Variants in SCFD2 observed in about 807,000 individuals in gnomAD.
SCFD2 encodes the protein sec1 family domain-containing protein 2.
A neutral mutation model predicts 58.9 loss-of-function variants in SCFD2; 54 were observed. The observed-to-expected ratio is 0.92, with a 90% CI of 0.74 to 1.15. The LOEUF is 1.15. Among genes scored for constraint, SCFD2 ranks in the 50% most tolerant of loss-of-function variants. SCFD2 has a pLI of 0.00. For missense variants in SCFD2, 805 were observed against 836.6 expected (o/e 0.96, Z 0.47); for synonymous variants, 321 against 335.9 (o/e 0.96, Z 0.49).
intron 5 of SCFD2, among the ~76,000 whole-genome samples, chr4:53,001,988 G>C (rs1421357814): frequency 1.3e-5 from 2 of 152,172 alleles, no homozygotes; most frequent in African/African-American, 2.4e-5. Flanking sequence ...TCCACTATTT[G>C]CTATTAAGTG....
chr4:53,174,586 G>A (rs1434032128), intron 4 of SCFD2, among the ~76,000 whole-genome samples: 1 of 152,128 alleles, frequency 6.6e-6, no homozygotes, highest in Non-Finnish European at 1.5e-5. Flanking sequence ...ATAGTGCCAA[G>A]TGCACCTCAA....
At chr4:53,132,335 C>T (rs942928125) in intron 5 of SCFD2, among the ~76,000 whole-genome samples, 28 of 152,148 alleles carry the variant, frequency 1.8e-4, no homozygotes, top group African/African-American at 4.8e-4. Flanking sequence ...TTTTGGCAGA[C>T]ATATGTTCTT....
At chr4:53,107,568 G>C (rs1042745903) in intron 5 of SCFD2, among the ~76,000 whole-genome samples, 2 of 152,126 alleles carry the variant, frequency 1.3e-5, no homozygotes, top group African/African-American at 4.8e-5. Flanking sequence ...AAAAGCAGGG[G>C]TTGTGATCCT....
At chr4:52,930,993 T>G (rs574908845) in intron 5 of SCFD2, among the ~76,000 whole-genome samples, 212 of 152,304 alleles carry the variant, frequency 1.4e-3, no homozygotes, top group African/African-American at 4.5e-3. Flanking sequence ...TTAAACCTAC[T>G]GTAAGTGGGG....
chr4:53,176,960 AAAAAG>A (rs1421253959), intron 4 of SCFD2, among the ~76,000 whole-genome samples: 1 of 151,854 alleles, frequency 6.6e-6, no homozygotes, highest in Non-Finnish European at 1.5e-5. Flanking sequence ...AAAAAAAAAA[AAAAAG>A]AAAGAAAAAA....
chr4:52,980,141 TC>T (rs1367994891), intron 5 of SCFD2, among the ~76,000 whole-genome samples: 2 of 152,210 alleles, frequency 1.3e-5, no homozygotes, highest in African/African-American at 4.8e-5. Context: ...GTAATGGTGT[TC>T]CATTTCTTAA....
chr4:53,364,075 C>T (rs972246816), intron 1 of SCFD2, among the ~76,000 whole-genome samples: 2 of 152,020 alleles, frequency 1.3e-5, no homozygotes, highest in Non-Finnish European at 2.9e-5. Context: ...TCTTTTAATC[C>T]CCTATGGACT....
chr4:52,970,316 C>G (rs1398557961), intron 5 of SCFD2, among the ~76,000 whole-genome samples: 1 of 152,252 alleles, frequency 6.6e-6, no homozygotes. Context: ...GTCACTCCCA[C>G]CCTAATACTG....
intron 4 of SCFD2, among the ~76,000 whole-genome samples, chr4:53,212,837 T>A (rs1057501276): frequency 2.0e-5 from 3 of 151,882 alleles, no homozygotes; most frequent in African/African-American, 7.3e-5. Context: ...CCTTAACTCA[T>A]CACAATGATT....
At chr4:53,223,661 T>C (rs1162286705) in intron 4 of SCFD2, among the ~76,000 whole-genome samples, 2 of 152,224 alleles carry the variant, frequency 1.3e-5, no homozygotes, top group Non-Finnish European at 2.9e-5. Flanking sequence ...TTGGCTTGCC[T>C]AGATGCAATT....
chr4:53,073,565 A>G (rs908156190), intron 5 of SCFD2, among the ~76,000 whole-genome samples: 1 of 152,154 alleles, frequency 6.6e-6, no homozygotes, highest in Non-Finnish European at 1.5e-5. Flanking sequence ...CTATCCTCTG[A>G]AAATGAGATC....
At chr4:53,201,345 G>A (rs1728230338) in intron 4 of SCFD2, among the ~76,000 whole-genome samples, 1 of 152,068 alleles carries the variant, frequency 6.6e-6, no homozygotes. Context: ...CCCTACAAAG[G>A]ACATGAACTC....
chr4:53,082,719 T>C (rs1388251579), intron 5 of SCFD2, among the ~76,000 whole-genome samples: 3 of 151,928 alleles, frequency 2.0e-5, no homozygotes, highest in Non-Finnish European at 4.4e-5. Context: ...AGGACCAAAT[T>C]TGCAGGTCTC....
chr4:53,326,343 G>A (rs1207600081), intron 2 of SCFD2, among the ~76,000 whole-genome samples: 1 of 152,022 alleles, frequency 6.6e-6, no homozygotes, highest in East Asian at 1.9e-4. Flanking sequence ...GTGTTTCACC[G>A]TGTTGCCTAG....
At chr4:53,039,537 T>C (rs182892037) in intron 5 of SCFD2, among the ~76,000 whole-genome samples, 1 of 152,262 alleles carries the variant, frequency 6.6e-6, no homozygotes, top group Non-Finnish European at 1.5e-5. Flanking sequence ...GGGCCAATCT[T>C]CTCACCAATT....
intron 5 of SCFD2, among the ~76,000 whole-genome samples, chr4:53,057,482 A>T (rs960701740): frequency 6.6e-6 from 1 of 152,146 alleles, no homozygotes; most frequent in Non-Finnish European, 1.5e-5. Flanking sequence ...GTTCTCACTC[A>T]TAAGTGGGAC....
chr4:53,288,258 T>G (rs1054784012), intron 3 of SCFD2, among the ~76,000 whole-genome samples: 6 of 151,868 alleles, frequency 4.0e-5, no homozygotes, highest in Admixed American at 2.0e-4. Context: ...ACTTATAGAG[T>G]AGCATTAACC....
chr4:53,342,746 AT>A (rs1733921553), intron 2 of SCFD2, among the ~76,000 whole-genome samples: 1 of 152,228 alleles, frequency 6.6e-6, no homozygotes, highest in African/African-American at 2.4e-5. Flanking sequence ...AACAGAAATT[AT>A]AACAAACTGT....
At position 53,212,574 on chromosome 4, in the gene SCFD2, A is replaced by AAG. The variant is rs1560387939; in HGVS notation, c.1311+61251_1311+61252insCT. On this transcript the variant is annotated intron_variant, in intron 4 of 8. Coordinates refer to ENST00000401642, the MANE Select transcript of SCFD2 (RefSeq NM_152540.4). ...TAAGAGAGAGAGGAAGAAAGTGAGCACGTGTGTGTGTGTGTGTGTGTGTGT... is the reference window on the plus strand; with the variant it reads ...TAAGAGAGAGAGGAAGAAAGTGAGCAAGCGTGTGTGTGTGTGTGTGTGTGTGT... Among the ~76,000 whole-genome samples the AAG allele has an allele frequency of 1.9e-3, 142 of 75,824 alleles. 3 individuals carry two copies. Among genetic ancestry groups the AAG allele is most frequent in the African/African-American group, 7.5e-3 (135 of 18,006 alleles). The allele number at this position is 75,824 out of a possible 152,430, so 49.7% of individuals were successfully genotyped here.
Sources: gnomAD v4.1 joint callset for allele counts (sites outside exome capture counted in the v4.1 genomes callset) on GRCh38, gnomAD v4.1.1 for gene constraint, MANE v1.5 for transcripts, NCBI Gene and HGNC (gene_info 2026-07-23, HGNC 2026-07-21) for gene names.